PLEC: variants seen among roughly 807,000 people sequenced by gnomAD.
PLEC encodes hemidesmosomal protein 1.
Under a neutral mutation model 392.8 loss-of-function variants are expected in PLEC, and 216 were observed. The observed-to-expected ratio is 0.55, with a 90% confidence interval of 0.49 to 0.62. The LOEUF (loss-of-function observed/expected upper bound fraction) is 0.62. Among genes scored for constraint, PLEC ranks in the 20% least tolerant of loss-of-function variants. The pLI is 0.00. For missense variants in PLEC, 6,863 were observed against 6,563.4 expected (o/e 1.05, Z -1.58); for synonymous variants, 3,621 against 2,980.6 (o/e 1.21, Z -7.00).
Position 143,920,212 on chromosome 8 carries a change from C to T in PLEC, c.9609G>A (p.Gln3203=), listed in dbSNP as rs782381881. Residue 3203 remains glutamine, a synonymous_variant, in exon 32 of 32, where the codon CAG becomes CAA. Transcript: ENST00000345136. The stretch of plus-strand genomic sequence containing the variant: ...GCGGCAGCAGGCTCAGCCCGGTCAG[C>T]TGGTCGGGCCGGCACCGCTGCTGGA... ...GELQQRCRPD[Q]LTGLSLLPLS... is the part of the protein sequence containing the mutation. The T allele has an allele frequency of 2.5e-5, 40 of 1,607,442 alleles. No individual in the cohort carries two copies. The highest frequency in any genetic ancestry group is 3.2e-5 in the Non-Finnish European group (38 of 1,179,366).
Position 143,929,422 on chromosome 8 carries a change from C to T in PLEC, c.3073G>A (p.Glu1025Lys), listed in dbSNP as rs150652392. The T allele has an allele frequency of 1.7e-4, 264 of 1,565,208 alleles. No individual in the cohort carries two copies. The African/African-American group carries it at 2.6e-3, about 15-fold the overall frequency. Residue 1025 changes from glutamate to lysine, a missense_variant, in exon 24 of 32, where the codon GAG becomes AAG. Coordinates refer to ENST00000345136, the MANE Select transcript of PLEC (RefSeq NM_201384.3). The part of the protein sequence containing the change: ...PARECAQRIA[E>K]QQKAQAEVEG... ...GGGGGGACGGCCCCTGCCTGCTGCT[C>T]GGCGATGCGCTGGGCACACTCCCGT...
Position 143,921,753 on chromosome 8 carries a change from G to A in PLEC, c.8068C>T (p.His2690Tyr), listed in dbSNP as rs1554686941. The A allele has an allele frequency of 1.1e-5, 17 of 1,612,468 alleles. No individual in the cohort carries two copies. Among genetic ancestry groups the A allele is most frequent in the Non-Finnish European group, 1.4e-5 (17 of 1,179,870 alleles). ...ATACTGCTGCGGCCCTGCAGGTAGTGGCGCACGTCTTCCCGCCGTGCGAGC... is the reference window on the plus strand; with the variant it reads ...ATACTGCTGCGGCCCTGCAGGTAGTAGCGCACGTCTTCCCGCCGTGCGAGC... ...DELARREDVR[H>Y]YLQGRSSIAG... The change falls in exon 32 of 32, where the codon CAC becomes TAC. Residue 2690 changes from histidine (H) to tyrosine (Y), a missense_variant. Coordinates refer to ENST00000345136, the MANE Select transcript of PLEC (RefSeq NM_201384.3).
At chr8:143,949,951 C>T (rs1308809035) in intron 1 of PLEC, among the ~76,000 whole-genome samples, 2 of 152,060 alleles carry the variant, frequency 1.3e-5, no homozygotes, top group Non-Finnish European at 2.9e-5. Flanking sequence ...GGGCCACAGG[C>T]TCCTCCTTGG....
chr8:143,942,515 T>C, upstream of PLEC: 2 of 1,571,232 alleles, frequency 1.3e-6, no homozygotes, highest in Non-Finnish European at 8.6e-7. Flanking sequence ...GCCCCCGACA[T>C]GCCGGCCACG....
In PLEC at chr8:143,925,008, C is replaced by A; in HGVS notation, c.4921G>T (p.Ala1641Ser). The change falls in exon 31 of 32, where the codon GCG becomes TCG. Residue 1641 changes from alanine (A) to serine (S), a missense_variant. Ala to Ser is a moderately conservative substitution (Grantham distance 99). Transcript: ENST00000345136. ...TCCGCCTGCAGCCGCAGCCGTAGCG[C>A]CTCGTTGGCCTTGAGCTGCCAGCGC... is the stretch of plus-strand genomic sequence containing the variant. ...LERWQLKANE[A>S]LRLRLQAEEV... 1 of 1,573,156 alleles carries A rather than the reference C, an allele frequency of 6.4e-7. No homozygotes were observed. The highest frequency in any genetic ancestry group is 1.4e-5 in the African/African-American group (1 of 73,978).
chr8:143,926,601 G>T (rs1204636494), intron 30 of PLEC, among the ~76,000 whole-genome samples, 183 bp downstream of exon 30: 2 of 152,166 alleles, frequency 1.3e-5, no homozygotes, highest in Non-Finnish European at 2.9e-5. Flanking sequence ...AGGCCAGGGG[G>T]GCAGGCCACA....
At chr8:143,922,420 G>T (rs994252579) in intron 31 of PLEC, 25 bp from the exon 32 acceptor site, 1 of 1,600,556 alleles carries the variant, frequency 6.2e-7, no homozygotes, top group African/African-American at 1.3e-5. Context: ...GGTGTGATCA[G>T]GGACCGCCAG....
intron 1 of PLEC, among the ~76,000 whole-genome samples, chr8:143,970,787 T>A (rs1452517812): frequency 3.3e-5 from 5 of 152,286 alleles, no homozygotes; most frequent in African/African-American, 1.2e-4. Flanking sequence ...CAGGCTCCCA[T>A]GGTGCGGCAG....
Position 143,934,668 on chromosome 8 carries a change from C to T in PLEC, c.1008G>A (p.Lys336=), listed in dbSNP as rs566382048. The T allele has an allele frequency of 6.2e-7, 1 of 1,613,226 alleles. No individual in the cohort carries two copies. The highest frequency in any genetic ancestry group is 2.2e-5 in the East Asian group (1 of 44,878). ...ATTGGTAGATGCCCTTGGACCTGTT[C>T]TTGTCGGCCTCCTTGGCTGGTAGCT... ...EMELPAKEAD[K]NRSKGIYQSL... is the part of the protein sequence containing the mutation. Residue 336 remains lysine (K), a synonymous_variant, in exon 10 of 32, where the codon AAG becomes AAA. Transcript: ENST00000345136.
chr8:143,951,360 A>G (rs1234299924), upstream of PLEC, among the ~76,000 whole-genome samples: 2 of 152,054 alleles, frequency 1.3e-5, no homozygotes, highest in South Asian at 2.1e-4. Flanking sequence ...GGCCTGGGGA[A>G]GAAGCTGGGG....
At chr8:143,973,575 GC>G, upstream of PLEC, 2 of 983,166 alleles carry the variant, frequency 2.0e-6, no homozygotes, top group Non-Finnish European at 2.4e-6. The surrounding 1 kb of genome is among the most constrained non-coding windows in gnomAD (Gnocchi z 5.6). Context: ...CCCCCGCCCC[GC>G]CCCCGCCCCG....
At chr8:143,938,369 C>T (rs1554725419) in intron 2 of PLEC, 129 bp from the exon 3 acceptor site, 9 of 1,535,536 alleles carry the variant, frequency 5.9e-6, no homozygotes, top group Non-Finnish European at 7.0e-6. Context: ...CGGGAGCCCA[C>T]GGAACACACC....
upstream of PLEC, among the ~76,000 whole-genome samples, chr8:143,951,820 GC>G (rs1337725740): frequency 2.8e-4 from 42 of 152,188 alleles, no homozygotes; most frequent in African/African-American, 7.5e-4. Flanking sequence ...AGAGGAAACT[GC>G]CCTGTGAGGC....
At chr8:143,944,910 A>C (rs1410884840) in intron 1 of PLEC, among the ~76,000 whole-genome samples, 2 of 152,242 alleles carry the variant, frequency 1.3e-5, no homozygotes, top group Non-Finnish European at 2.9e-5. Context: ...GCACGGCGCC[A>C]GGGCACCCAG....
At chr8:143,929,392 G>GA (rs1462120417) in intron 24 of PLEC, 22 bp downstream of exon 24, 1 of 1,558,880 alleles carries the variant, frequency 6.4e-7, no homozygotes, top group African/African-American at 1.4e-5. Flanking sequence ...GATGGGACTG[G>GA]ATGGGGGGGG....
chr8:143,917,831 C>A lies in PLEC; in HGVS notation c.11990G>T (p.Gly3997Val), dbSNP rs1821070733. The A allele has an allele frequency of 6.2e-7, 1 of 1,613,230 alleles. No individual in the cohort carries two copies. Among genetic ancestry groups the A allele is most frequent in the Non-Finnish European group, 8.5e-7 (1 of 1,180,016 alleles). Reference sequence around the variant, plus strand: ...CAGCAGCTTGTCCTTGAACTCGGGGCCCACAATGCCCATACGCACAGCCTC... The same window carrying A: ...CAGCAGCTTGTCCTTGAACTCGGGGACCACAATGCCCATACGCACAGCCTC... ...VEEAVRMGIV[G>V]PEFKDKLLSA... is the part of the protein sequence containing the mutation. The change falls in exon 32 of 32, where the codon GGC becomes GTC. Residue 3997 changes from glycine to valine, a missense_variant. Gly to Val is a moderately radical substitution (Grantham distance 109, BLOSUM62 -3). Transcript: ENST00000345136.
Position 143,973,415 on chromosome 8 carries a change from C to G in PLEC, c.58G>C (p.Glu20Gln). ...CGGGGGGCCGTACCTTTGTACTTCTCGCGCACCTCCTCGTAGGCCTGGATG... is the reference window on the plus strand; with the variant it reads ...CGGGGGGCCGTACCTTTGTACTTCTGGCGCACCTCCTCGTAGGCCTGGATG... Residue 20 changes from glutamate to glutamine, a missense_variant, in exon 1 of 32, where the codon GAG (glutamate) becomes CAG (glutamine). Glu to Gln is a conservative substitution (Grantham distance 29, BLOSUM62 2). Transcript: ENST00000356346. This position sits in a 1 kb window ranked among gnomAD's most constrained non-coding sequence, Gnocchi z 5.6. 6.4e-7 allele frequency: 1 copy of G among 1,554,902 alleles called. No individual in the cohort carries two copies. Among genetic ancestry groups the G allele is most frequent in the South Asian group, 1.2e-5 (1 of 84,348 alleles).
chr8:143,921,082 C>T lies in PLEC; in HGVS notation c.8739G>A (p.Pro2913=), dbSNP rs146153632. The T allele has an allele frequency of 2.4e-5, 39 of 1,611,844 alleles. No individual in the cohort carries two copies. The highest frequency in any genetic ancestry group is 1.9e-4 in the African/African-American group (14 of 75,070). Residue 2913 remains proline (P), a synonymous_variant, in exon 32 of 32, where the codon CCG becomes CCA. Coordinates refer to ENST00000345136, the MANE Select transcript of PLEC (RefSeq NM_201384.3). ...DVFEKATVSA[P]FGKFQGKTVT... ...CCGTCTTGCCCTGGAACTTGCCGAA[C>T]GGCGCAGACACGGTGGCCTTCTCAA...
At chr8:143,955,074 GT>G (rs1422307549), upstream of PLEC, among the ~76,000 whole-genome samples, 1 of 152,146 alleles carries the variant, frequency 6.6e-6, no homozygotes, top group Non-Finnish European at 1.5e-5. Context: ...GGAGTCTCTC[GT>G]CCCCCTGCCC....
Sources: gnomAD v4.1 joint callset for allele counts (sites outside exome capture counted in the v4.1 genomes callset) on GRCh38, gnomAD v4.1.1 for gene constraint, Gnocchi (gnomAD v3.1) non-coding constraint, MANE v1.5 for transcripts, NCBI Gene and HGNC (gene_info 2026-07-23, HGNC 2026-07-21) for gene names.